PITPNM2: variants seen among roughly 807,000 people sequenced by gnomAD.
PITPNM2 encodes phosphatidylinositol transfer protein membrane associated 2.
A neutral mutation model predicts 132.2 loss-of-function variants in PITPNM2; 35 were observed. That is an observed-to-expected ratio of 0.26 (90% confidence interval 0.20 to 0.35). The LOEUF is 0.35. Among genes scored for constraint, PITPNM2 ranks in the 10% least tolerant of loss-of-function variants. The pLI, the probability that PITPNM2 is intolerant of heterozygous loss-of-function variation, is 1.00. For synonymous variants in PITPNM2, 738 were observed against 799.2 expected (o/e 0.92, Z 1.29); for missense variants, 1,332 against 1,912.0 (o/e 0.70, Z 5.66).
intron 1 of PITPNM2, among the ~76,000 whole-genome samples, chr12:123,148,873 C>T (rs892731395): frequency 6.6e-6 from 1 of 152,098 alleles, no homozygotes; most frequent in Non-Finnish European, 1.5e-5. Flanking sequence ...CCAATTCCAC[C>T]TGCGAAGGCC....
chr12:123,142,763 T>A (rs1161955758), intron 1 of PITPNM2, among the ~76,000 whole-genome samples: 1 of 152,204 alleles, frequency 6.6e-6, no homozygotes, highest in Non-Finnish European at 1.5e-5. Flanking sequence ...ATGTTCCCCC[T>A]GCTCCGTGAG....
intron 2 of PITPNM2, among the ~76,000 whole-genome samples, chr12:123,072,129 G>C (rs2041636653): frequency 6.6e-6 from 1 of 152,188 alleles, no homozygotes; most frequent in Admixed American, 6.5e-5. Flanking sequence ...TGCTTTACAA[G>C]GGCACAGGGT....
chr12:122,986,692 T>A lies in PITPNM2; in HGVS notation c.3551A>T (p.Asp1184Val). 6.2e-7 allele frequency: 1 copy of A among 1,612,896 alleles called. No homozygotes were observed. ...GAAGTTGGCCTTGTGCCGCAGCGGGTCATGCACCAGGCCGTCACAGAAGGA... is the reference window on the plus strand; with the variant it reads ...GAAGTTGGCCTTGTGCCGCAGCGGGACATGCACCAGGCCGTCACAGAAGGA... ...VVSFCDGLVHDPLRHKANFLK... is the reference protein window; with the variant it reads ...VVSFCDGLVHVPLRHKANFLK... The change falls in exon 24 of 26, where the codon GAC becomes GTC. Residue 1184 changes from aspartate (D) to valine (V), a missense_variant. Asp to Val is a radical substitution (Grantham distance 152, BLOSUM62 -3). Coordinates refer to ENST00000320201, the MANE Select transcript of PITPNM2 (RefSeq NM_020845.3).
In PITPNM2 at chr12:122,986,001, A is replaced by G. The variant is rs1040277039; in HGVS notation, c.*26T>C. On this transcript the variant is annotated 3_prime_UTR_variant, in exon 26 of 26. Transcript: ENST00000320201. ...TGGCCACCCTGGCCTAGCACCATGG[A>G]GACCCCGCGCTGCACTCACGGTGCC... is the stretch of plus-strand genomic sequence containing the variant. 8.7e-6 allele frequency: 12 copies of G among 1,373,750 alleles called. No homozygotes were observed. In the African/African-American group the frequency reaches 1.5e-4, roughly 18 times the overall value. The allele number at this position is 1,373,750 out of a possible 1,614,324, so 85.1% of individuals were successfully genotyped here.
intron 2 of PITPNM2, chr12:123,076,031 T>C (rs1012651839): frequency 1.3e-5 from 2 of 152,286 alleles, no homozygotes; most frequent in Non-Finnish European, 2.9e-5. Flanking sequence ...CTGCCACTTG[T>C]GGGCTGGCCT....
chr12:123,081,098 G>C (rs990678717), intron 2 of PITPNM2: 5 of 152,372 alleles, frequency 3.3e-5, no homozygotes, highest in African/African-American at 1.2e-4. Flanking sequence ...GCATGGTCCA[G>C]GCCCAGGCCT....
chr12:123,005,838 C>T lies in PITPNM2; in HGVS notation c.644-290G>A. Reference sequence around the variant, plus strand: ...GTTGGAAGGGCGCAGTGGCTCATGCCTGTAATCCCAACACTTTGGGAGGAT... The same window carrying T: ...GTTGGAAGGGCGCAGTGGCTCATGCTTGTAATCCCAACACTTTGGGAGGAT... On this transcript the variant is annotated intron_variant, in intron 6 of 25. Transcript: ENST00000320201. This position sits in a 1 kb window ranked among gnomAD's most constrained non-coding sequence, Gnocchi z 6.2. 1 of 436,968 alleles carries T rather than the reference C, an allele frequency of 2.3e-6. No homozygotes were observed. The highest frequency in any genetic ancestry group is 2.0e-5 in the African/African-American group (1 of 50,766). The allele number at this position is 436,968 out of a possible 1,614,324, so 27.1% of individuals were successfully genotyped here.
At chr12:123,102,533 G>C (rs569238103) in intron 2 of PITPNM2, among the ~76,000 whole-genome samples, 1 of 152,264 alleles carries the variant, frequency 6.6e-6, no homozygotes, top group African/African-American at 2.4e-5. Flanking sequence ...TATAGATTCA[G>C]CTCCTCCCAA....
At chr12:123,047,239 T>C (rs573262752) in intron 2 of PITPNM2, among the ~76,000 whole-genome samples, 3 of 152,372 alleles carry the variant, frequency 2.0e-5, no homozygotes, top group African/African-American at 7.2e-5. Context: ...ATGCATGATT[T>C]AGAGAAACAA....
intron 4 of PITPNM2, 44 bp downstream of exon 4, chr12:123,013,784 G>A: frequency 1.9e-6 from 3 of 1,586,078 alleles, no homozygotes; most frequent in Non-Finnish European, 2.6e-6. Flanking sequence ...CCCGCCAGAT[G>A]GCATGTGGAG....
intron 2 of PITPNM2, among the ~76,000 whole-genome samples, chr12:123,102,111 C>A (rs2042577070): frequency 6.6e-6 from 1 of 152,208 alleles, no homozygotes. Context: ...TCTGCCTACA[C>A]CTGAGAATTG....
At chr12:123,028,966 C>A (rs556537777) in intron 3 of PITPNM2, among the ~76,000 whole-genome samples, 11 of 152,302 alleles carry the variant, frequency 7.2e-5, no homozygotes, top group Middle Eastern at 6.8e-3. Flanking sequence ...CCTTGGGTCT[C>A]CAAGTCGGGG....
chr12:123,068,311 C>CAA (rs376687479), intron 2 of PITPNM2, among the ~76,000 whole-genome samples: 3 of 152,010 alleles, frequency 2.0e-5, no homozygotes, highest in Non-Finnish European at 4.4e-5. Context: ...ACTAAAAATA[C>CAA]AAAAAATTAG....
At chr12:122,989,575 G>A (rs1054432570) in intron 18 of PITPNM2, among the ~76,000 whole-genome samples, 15 of 152,154 alleles carry the variant, frequency 9.9e-5, no homozygotes, top group Non-Finnish European at 1.9e-4. Flanking sequence ...GTCCTCATCT[G>A]GCCTCACTCC....
intron 1 of PITPNM2, among the ~76,000 whole-genome samples, chr12:123,134,297 T>C (rs1414799370): frequency 6.6e-6 from 1 of 151,368 alleles, no homozygotes; most frequent in African/African-American, 2.4e-5. Flanking sequence ...TCTTCTGACC[T>C]TGCGATCTGC....
Position 123,005,125 on chromosome 12 carries a change from G to T in PITPNM2, c.952+115C>A, listed in dbSNP as rs1339197365. 1.2e-5 allele frequency: 16 copies of T among 1,291,346 alleles called. No individual in the cohort carries two copies. Among genetic ancestry groups the T allele is most frequent in the Non-Finnish European group, 1.7e-5 (16 of 932,954 alleles). 80.0% of individuals were successfully genotyped at this position (1,291,346 alleles called of 1,614,324 possible). A position where few individuals can be genotyped will look rare whatever the true frequency, so the allele number is the denominator to read the frequency against. On this transcript the variant is annotated intron_variant, in intron 7 of 25. Coordinates refer to ENST00000320201, the MANE Select transcript of PITPNM2 (RefSeq NM_020845.3). The surrounding 1 kb of genome is among the most constrained non-coding windows in gnomAD (Gnocchi z 6.2). ...AGGGCTCTGACTCCCTCTGGGCTTG[G>T]TGCCTCAATGTCCATGGGAAAGAAC...
At chr12:123,050,950 G>C (rs1372416588) in intron 2 of PITPNM2, among the ~76,000 whole-genome samples, 2 of 152,204 alleles carry the variant, frequency 1.3e-5, no homozygotes, top group African/African-American at 4.8e-5. Context: ...AAAGGCATCA[G>C]AGATAGCTGG....
Position 122,985,961 on chromosome 12 carries a change from G to C in PITPNM2, c.*66C>G. 1 of 1,318,696 alleles carries C rather than the reference G, an allele frequency of 7.6e-7. No homozygotes were observed. Among genetic ancestry groups the C allele is most frequent in the Non-Finnish European group, 9.7e-7 (1 of 1,028,184 alleles). The allele number at this position is 1,318,696 out of a possible 1,614,324, so 81.7% of individuals were successfully genotyped here. A position where few individuals can be genotyped will look rare whatever the true frequency, so the allele number is the denominator to read the frequency against. ...ACGTCAGTGCGTGTGCCCAGGCCAG[G>C]CCTCCTGGCGGGGCTGGCCACCCTG... On this transcript the variant is annotated 3_prime_UTR_variant, in exon 26 of 26. Coordinates refer to ENST00000320201, the MANE Select transcript of PITPNM2 (RefSeq NM_020845.3).
intron 2 of PITPNM2, among the ~76,000 whole-genome samples, chr12:123,065,643 G>A (rs1373889736): frequency 6.6e-6 from 1 of 152,254 alleles, no homozygotes. Flanking sequence ...AGCAAGCTCA[G>A]AAGGGCTGTT....
Sources: allele counts gnomAD v4.1 joint callset (sites outside exome capture counted in the v4.1 genomes callset), GRCh38; gene constraint gnomAD v4.1.1; non-coding constraint Gnocchi (gnomAD v3.1); transcripts MANE v1.5; gene names NCBI Gene and HGNC (gene_info 2026-07-23, HGNC 2026-07-21).